Variants in ENPP4 observed in about 807,000 individuals in gnomAD.
ENPP4 encodes ectonucleotide pyrophosphatase/phosphodiesterase 4.
ENPP4 carries 18 observed loss-of-function variants against 33.4 expected under a neutral mutation model. The ratio of observed to expected loss-of-function variants is 0.54; its 90% CI spans 0.37 to 0.80. The LOEUF (loss-of-function observed/expected upper bound fraction) is 0.80, where lower values mean the gene tolerates loss of function less well. ENPP4 is among the 30% of genes least tolerant of loss of function. ENPP4 has a pLI of 0.00. For missense variants in ENPP4, 480 were observed against 541.7 expected (o/e 0.89, Z 1.13); for synonymous variants, 172 against 189.9 (o/e 0.91, Z 0.78).
chr6:46,141,037 C>CTT lies in ENPP4; in HGVS notation c.827-7_827-6dup. The stretch of plus-strand genomic sequence containing the variant: ...TCATAACTTGTTTCCTTTGCTGTTT[C>CTT]TTTTTTTTTCTCAGATAGAACAGAG... On this transcript the variant is annotated splice_polypyrimidine_tract_variant and intron_variant, in intron 2 of 3. Coordinates refer to ENST00000321037, the MANE Select transcript of ENPP4 (RefSeq NM_014936.5). 6.6e-6 allele frequency: 10 copies of CTT among 1,504,114 alleles called. No homozygotes were observed. Among genetic ancestry groups the CTT allele is most frequent in the South Asian group, 2.5e-5 (2 of 78,652 alleles). The allele number at this position is 1,504,114 out of a possible 1,614,324, so 93.2% of individuals were successfully genotyped here.
At chr6:46,135,376 T>C (rs1007849518) in intron 1 of ENPP4, among the ~76,000 whole-genome samples, 3 of 152,080 alleles carry the variant, frequency 2.0e-5, no homozygotes, top group South Asian at 4.1e-4. Flanking sequence ...GGGTGTGAAA[T>C]GGTACCTTAT....
chr6:46,131,366 G>T (rs1242921979), intron 1 of ENPP4, among the ~76,000 whole-genome samples: 1 of 144,976 alleles, frequency 6.9e-6, no homozygotes. Context: ...GTGTCCATGT[G>T]TTCTCATTGT....
intron 1 of ENPP4, among the ~76,000 whole-genome samples, chr6:46,138,738 AGGGAGATTTATTAG>A (rs1247514024): frequency 6.6e-6 from 1 of 151,904 alleles, no homozygotes; most frequent in Non-Finnish European, 1.5e-5. Flanking sequence ...GAGCAAAGGC[AGGGAGATTTATTAG>A]GGAAAAGCTG....
At chr6:46,141,011 A>T in intron 2 of ENPP4, 41 bp from the exon 3 acceptor site, 5 of 1,369,260 alleles carry the variant, frequency 3.7e-6, no homozygotes, top group Non-Finnish European at 5.0e-6. Context: ...TTCCTTATCA[A>T]TCATAACTTG....
At chr6:46,142,009 C>G (rs1161799913) in intron 3 of ENPP4, among the ~76,000 whole-genome samples, 1 of 151,430 alleles carries the variant, frequency 6.6e-6, no homozygotes, top group Non-Finnish European at 1.5e-5. Flanking sequence ...CGGTGAAACT[C>G]TGTTTACAAA....
intron 1 of ENPP4, among the ~76,000 whole-genome samples, chr6:46,131,210 C>T (rs1763891212): frequency 6.6e-6 from 1 of 151,950 alleles, no homozygotes; most frequent in Non-Finnish European, 1.5e-5. Context: ...GCACAATGTG[C>T]AGGTTAGTTA....
At chr6:46,140,455 A>T in intron 2 of ENPP4, 46 bp downstream of exon 2, 9 of 1,077,756 alleles carry the variant, frequency 8.4e-6, no homozygotes, top group Non-Finnish European at 1.1e-5. Flanking sequence ...GAATGGGGCA[A>T]TTGATTGAGG....
chr6:46,136,471 A>T (rs556776405), intron 1 of ENPP4, among the ~76,000 whole-genome samples: 1 of 151,990 alleles, frequency 6.6e-6, no homozygotes, highest in Non-Finnish European at 1.5e-5. Flanking sequence ...AAGATGAACG[A>T]TGATTATACT....
rs1442114755 is a variant in ENPP4, at chr6:46,139,763, G to T, written c.180G>T (p.Glu60Asp). 1 of 1,612,000 alleles carries T rather than the reference G, an allele frequency of 6.2e-7. No homozygotes were observed. Among genetic ancestry groups the T allele is most frequent in the South Asian group, 1.1e-5 (1 of 91,026 alleles). ...TTATCAAAGAAGGTGTTTTGGTAGAGCATGTTAAAAATGTTTTTATCACAA... is the reference window on the plus strand; with the variant it reads ...TTATCAAAGAAGGTGTTTTGGTAGATCATGTTAAAAATGTTTTTATCACAA... ...QNFIKEGVLV[E>D]HVKNVFITKT... Residue 60 changes from glutamate to aspartate, a missense_variant, in exon 2 of 4, where the codon GAG (glutamate) becomes GAT (aspartate). Transcript: ENST00000321037.
chr6:46,132,252 T>G (rs1763911877), intron 1 of ENPP4, among the ~76,000 whole-genome samples: 1 of 152,278 alleles, frequency 6.6e-6, no homozygotes, highest in African/African-American at 2.4e-5. Context: ...TGAATGGTAA[T>G]GCCTAGGTTT....
chr6:46,139,735 A>G lies in ENPP4; in HGVS notation c.152A>G (p.Asn51Ser). The G allele has an allele frequency of 1.9e-6, 3 of 1,611,942 alleles. No homozygotes were observed. Among genetic ancestry groups the G allele is most frequent in the Non-Finnish European group, 2.5e-6 (3 of 1,178,756 alleles). The change falls in exon 2 of 4, where the codon AAT becomes AGT. Residue 51 changes from asparagine to serine, a missense_variant. Physicochemically the swap from Asn to Ser is conservative, Grantham distance 46. Transcript: ENST00000321037. ...LKNYEFPHLQ[N>S]FIKEGVLVEH... Reference sequence around the variant, plus strand: ...AACTATGAATTTCCTCATCTCCAGAATTTTATCAAAGAAGGTGTTTTGGTA... The same window carrying G: ...AACTATGAATTTCCTCATCTCCAGAGTTTTATCAAAGAAGGTGTTTTGGTA...
Position 46,144,713 on chromosome 6 carries a change from G to A in ENPP4, c.*1073G>A, listed in dbSNP as rs1694485223. On this transcript the variant is annotated 3_prime_UTR_variant, in exon 4 of 4. Coordinates refer to ENST00000321037, the MANE Select transcript of ENPP4 (RefSeq NM_014936.5). The stretch of plus-strand genomic sequence containing the variant: ...TGACTGGGACAGAATGAGGAATGGA[G>A]ATTTTTGTATTTATCTTTGGGACTT... 1.1e-5 allele frequency: 4 copies of A among 362,764 alleles called. No individual in the cohort carries two copies. Among genetic ancestry groups the A allele is most frequent in the Non-Finnish European group, 2.0e-5 (4 of 203,674 alleles). 22.5% of individuals were successfully genotyped at this position (362,764 alleles called of 1,614,324 possible).
intron 1 of ENPP4, among the ~76,000 whole-genome samples, chr6:46,137,400 A>C (rs1405811675): frequency 2.0e-5 from 3 of 151,862 alleles, no homozygotes; most frequent in South Asian, 2.1e-4. Context: ...CAGGGAATCT[A>C]CTCAATCCAA....
chr6:46,132,445 A>G (rs9381428), intron 1 of ENPP4, among the ~76,000 whole-genome samples: 95,559 of 151,926 alleles, frequency 0.63, 30,276 homozygotes, highest in Middle Eastern at 0.82. Context: ...TCTCAGGTTT[A>G]TCAAAGATTA....
intron 1 of ENPP4, among the ~76,000 whole-genome samples, chr6:46,136,038 A>G (rs1036096354): frequency 7.9e-5 from 12 of 152,134 alleles, no homozygotes; most frequent in African/African-American, 2.9e-4. Context: ...ATTATGGTGT[A>G]TGAATCTCAA....
chr6:46,132,520 G>C (rs1280132372), intron 1 of ENPP4, among the ~76,000 whole-genome samples: 3 of 152,276 alleles, frequency 2.0e-5, no homozygotes, highest in African/African-American at 7.2e-5. Context: ...CTATATCTCT[G>C]TTTTGGTACC....
In ENPP4 at chr6:46,141,223, G is replaced by A. The variant is rs903309457; in HGVS notation, c.997+1G>A. 6.2e-7 allele frequency: 1 copy of A among 1,604,112 alleles called. No individual in the cohort carries two copies. The highest frequency in any genetic ancestry group is 1.3e-5 in the African/African-American group (1 of 74,450). On this transcript the variant is annotated splice_donor_variant, in intron 3 of 3. Coordinates refer to ENST00000321037, the MANE Select transcript of ENPP4 (RefSeq NM_014936.5). LOFTEE classifies it high-confidence loss of function. The stretch of plus-strand genomic sequence containing the variant: ...GTGCTAAATGAATCATCACAAAAAT[G>A]TAAGTATTTAGTTGAGATATTTCTG...
At position 46,140,194 on chromosome 6, in the gene ENPP4, G is replaced by A. The variant is rs759720771; in HGVS notation, c.611G>A (p.Ser204Asn). The change falls in exon 2 of 4, where the codon AGC becomes AAC. Residue 204 changes from serine (S) to asparagine (N), a missense_variant. Ser to Asn is a conservative substitution (Grantham distance 46, BLOSUM62 1). Coordinates refer to ENST00000321037, the MANE Select transcript of ENPP4 (RefSeq NM_014936.5). The part of the protein sequence containing the change: ...KYGPEDKENM[S>N]RVLKKIDDLI... The stretch of plus-strand genomic sequence containing the variant: ...GGACCTGAAGATAAAGAAAACATGA[G>A]CAGAGTGTTGAAAAAAATAGATGAT... 1 of 1,612,420 alleles carries A rather than the reference G, an allele frequency of 6.2e-7. No individual in the cohort carries two copies. Among genetic ancestry groups the A allele is most frequent in the African/African-American group, 1.3e-5 (1 of 74,766 alleles).
At position 46,131,392 on chromosome 6, in the gene ENPP4, G is replaced by A. The variant is rs951902389; in HGVS notation, c.-34+1203G>A. Reference sequence around the variant, plus strand: ...TTCTCATTGTTCAATTCCCACCTATGAGTGAGAATATGCAGTGTTTGGTTT... The same window carrying A: ...TTCTCATTGTTCAATTCCCACCTATAAGTGAGAATATGCAGTGTTTGGTTT... On this transcript the variant is annotated intron_variant, in intron 1 of 3. Transcript: ENST00000321037. Among the ~76,000 whole-genome samples, 4 of 146,944 alleles carry A rather than the reference G, an allele frequency of 2.7e-5. No homozygotes were observed. The Admixed American group carries it at 2.8e-4, about 10-fold the overall frequency.
Sources: gnomAD v4.1 joint callset for allele counts (sites outside exome capture counted in the v4.1 genomes callset) on GRCh38, gnomAD v4.1.1 for gene constraint, MANE v1.5 for transcripts, NCBI Gene and HGNC (gene_info 2026-07-23, HGNC 2026-07-21) for gene names.